ARHGAP5: variants seen among roughly 807,000 people sequenced by gnomAD.
ARHGAP5 encodes the protein rho GTPase-activating protein 5.
Under a neutral mutation model 116.6 loss-of-function variants are expected in ARHGAP5, and 23 were observed. That is an observed-to-expected ratio of 0.20 (90% confidence interval 0.14 to 0.28). The LOEUF (loss-of-function observed/expected upper bound fraction) is 0.28, where lower values mean the gene tolerates loss of function less well. Among genes scored for constraint, ARHGAP5 ranks in the 10% least tolerant of loss-of-function variants. The probability of loss-of-function intolerance (pLI) is 1.00; values close to 1 mark genes in which losing one functional copy is unlikely to be tolerated. For missense variants in ARHGAP5, 1,405 were observed against 1,774.8 expected (o/e 0.79, Z 3.74); for synonymous variants, 574 against 602.0 (o/e 0.95, Z 0.68).
intron 4 of ARHGAP5, among the ~76,000 whole-genome samples, chr14:32,148,885 T>C (rs1184262847): frequency 1.3e-5 from 2 of 152,158 alleles, no homozygotes; most frequent in East Asian, 3.8e-4. Context: ...TTTAGTATGT[T>C]CCATTCTTGA....
intron 6 of ARHGAP5, among the ~76,000 whole-genome samples, chr14:32,153,243 C>T (rs1881727495): frequency 1.3e-5 from 2 of 149,180 alleles, no homozygotes; most frequent in Admixed American, 6.6e-5. Context: ...CCCATCTCCA[C>T]TAAAAATACA....
intron 3 of ARHGAP5, 59 bp from the exon 4 acceptor site, chr14:32,146,204 C>G: frequency 7.7e-7 from 1 of 1,294,642 alleles, no homozygotes. Flanking sequence ...AGCCACTGTG[C>G]CCAGCCGTGT....
chr14:32,116,951 T>A (rs1879635942), intron 2 of ARHGAP5, among the ~76,000 whole-genome samples, 189 bp from the exon 3 acceptor site: 1 of 152,214 alleles, frequency 6.6e-6, no homozygotes, highest in African/African-American at 2.4e-5. Context: ...TTTTTTTTTC[T>A]GTTCACTTAT....
rs988509208 is a variant in ARHGAP5, at chr14:32,143,294, G to A, written c.3866-2969G>A. Among the ~76,000 whole-genome samples the A allele has an allele frequency of 2.6e-5, 4 of 152,134 alleles. No individual in the cohort carries two copies. In the South Asian group the frequency reaches 6.2e-4, roughly 24 times the overall value. ...GACTTGCTCTTTCGCCCAGGCTGGA[G>A]TGCAGTGGTGTGATCTCGGCTCACT... is the stretch of plus-strand genomic sequence containing the variant. On this transcript the variant is annotated intron_variant, in intron 3 of 6. Transcript: ENST00000345122.
At chr14:32,138,078 T>C (rs983015322) in intron 3 of ARHGAP5, among the ~76,000 whole-genome samples, 2 of 152,228 alleles carry the variant, frequency 1.3e-5, no homozygotes, top group Non-Finnish European at 2.9e-5. Context: ...TCATTTTCAT[T>C]GTACAAGTGT....
chr14:32,092,749 C>G lies in ARHGAP5; in HGVS notation c.2080C>G (p.Leu694Val). The G allele has an allele frequency of 1.2e-6, 2 of 1,613,772 alleles. No individual in the cohort carries two copies. The highest frequency in any genetic ancestry group is 1.7e-6 in the Non-Finnish European group (2 of 1,179,854). The change falls in exon 2 of 7, where the codon CTT (leucine) becomes GTT (valine). Residue 694 changes from leucine to valine, a missense_variant. Transcript: ENST00000345122. The surrounding 1 kb of genome is among the most constrained non-coding windows in gnomAD (Gnocchi z 4.1). The stretch of plus-strand genomic sequence containing the variant: ...CAGAAAAGATAAATACATGGCTAAT[C>G]TTCCATTTACATTAATTCTGGCTAA... The part of the protein sequence containing the change: ...QIRKDKYMAN[L>V]PFTLILANQR...
intron 3 of ARHGAP5, among the ~76,000 whole-genome samples, chr14:32,143,781 C>T (rs987004818): frequency 3.9e-5 from 6 of 152,176 alleles, no homozygotes; most frequent in African/African-American, 7.2e-5. Context: ...GCCTTATAAT[C>T]TCCATTTAAC....
At chr14:32,101,419 C>G (rs1228955542) in intron 2 of ARHGAP5, among the ~76,000 whole-genome samples, 1 of 152,166 alleles carries the variant, frequency 6.6e-6, no homozygotes, top group Non-Finnish European at 1.5e-5. Flanking sequence ...GCATTGACTT[C>G]TGATTTCTAG....
chr14:32,123,957 G>A (rs760450788), intron 3 of ARHGAP5, among the ~76,000 whole-genome samples: 2 of 152,152 alleles, frequency 1.3e-5, no homozygotes, highest in Non-Finnish European at 2.9e-5. Flanking sequence ...GCCTCAAGAA[G>A]TTTTCTCTCA....
Position 32,150,040 on chromosome 14 carries a change from A to G in ARHGAP5, c.4075+7A>G, listed in dbSNP as rs760178267. ...GAACTATTGGAAGCAGCAAGTAAGT[A>G]TAAACCTCCTTTTTATGAGAGGGAT... On this transcript the variant is annotated splice_region_variant and intron_variant, in intron 5 of 6. Coordinates refer to ENST00000345122, the MANE Select transcript of ARHGAP5 (RefSeq NM_001030055.2). The G allele has an allele frequency of 1.7e-5, 26 of 1,569,664 alleles. No homozygotes were observed. The highest frequency in any genetic ancestry group is 4.0e-5 in the Admixed American group (2 of 50,096).
Position 32,090,966 on chromosome 14 carries a change from T to G in ARHGAP5, c.297T>G (p.Ile99Met). 6.2e-7 allele frequency: 1 copy of G among 1,613,656 alleles called. No homozygotes were observed. The highest frequency in any genetic ancestry group is 8.5e-7 in the Non-Finnish European group (1 of 1,179,668). The change falls in exon 2 of 7, where the codon ATT (isoleucine) becomes ATG (methionine). Residue 99 changes from isoleucine (I) to methionine (M), a missense_variant. By Grantham distance (10) the Ile-to-Met change is conservative (BLOSUM62 1). Around this residue, in one of 6 missense-constraint regions of ARHGAP5, gnomAD observed 190 missense variants for 314.9 expected, o/e 0.60. Coordinates refer to ENST00000345122, the MANE Select transcript of ARHGAP5 (RefSeq NM_001030055.2). ...ATGTCATTGAACAAACAGAGTTCAT[T>G]GATGACCAGACTTTCTTGCCTCATC... is the stretch of plus-strand genomic sequence containing the variant. ...KIHVIEQTEFIDDQTFLPHRS... is the reference protein window; with the variant it reads ...KIHVIEQTEFMDDQTFLPHRS...
intron 5 of ARHGAP5, among the ~76,000 whole-genome samples, chr14:32,152,048 C>T (rs1054979968): frequency 5.3e-5 from 8 of 152,270 alleles, no homozygotes; most frequent in African/African-American, 1.2e-4. Flanking sequence ...ATAAGGGAAA[C>T]CGGGCTCCAC....
rs772162945 is a variant in ARHGAP5, at chr14:32,092,665, G to A, written c.1996G>A (p.Glu666Lys). 6.2e-7 allele frequency: 1 copy of A among 1,613,846 alleles called. No individual in the cohort carries two copies. Among genetic ancestry groups the A allele is most frequent in the African/African-American group, 1.3e-5 (1 of 74,902 alleles). Residue 666 changes from glutamate (E) to lysine (K), a missense_variant, in exon 2 of 7, where the codon GAG (glutamate) becomes AAG (lysine). Around this residue, in one of 6 missense-constraint regions of ARHGAP5, gnomAD observed 944 missense variants for 1,095.3 expected, o/e 0.86. Transcript: ENST00000345122. This position sits in a 1 kb window ranked among gnomAD's most constrained non-coding sequence, Gnocchi z 4.1. ...HGCFCVFNSI[E>K]SLSFIGEFIG... ...GTGCTTCTGTGTATTTAATTCCATT[G>A]AGTCATTGAGTTTTATTGGGGAATT...
Position 32,158,257 on chromosome 14 carries a change from A to G in ARHGAP5, c.*3309A>G, listed in dbSNP as rs1327811464. On this transcript the variant is annotated 3_prime_UTR_variant, in exon 7 of 7. Transcript: ENST00000345122. ...ATATGATGGAAATCTTATTAAGGAG[A>G]TGTATTATTGAATTTTCACTGTACC... 2 of 151,758 alleles carry G rather than the reference A, an allele frequency of 1.3e-5. No homozygotes were observed. The highest frequency in any genetic ancestry group is 3.8e-4 in the East Asian group (2 of 5,196). 9.4% of individuals were successfully genotyped at this position (151,758 alleles called of 1,614,324 possible). A position where few individuals can be genotyped will look rare whatever the true frequency, so the allele number is the denominator to read the frequency against.
rs1881993460 is a variant in ARHGAP5 at position 32,158,528 on chromosome 14, A to G, written c.*3580A>G. On this transcript the variant is annotated 3_prime_UTR_variant, in exon 7 of 7. Coordinates refer to ENST00000345122, the MANE Select transcript of ARHGAP5 (RefSeq NM_001030055.2). Reference sequence around the variant, plus strand: ...CTTCATGGTTTGTGACTATTAGGCCAAATTTTGTGGTATATGTTGTCAGTC... The same window carrying G: ...CTTCATGGTTTGTGACTATTAGGCCGAATTTTGTGGTATATGTTGTCAGTC... 1 of 152,004 alleles carries G rather than the reference A, an allele frequency of 6.6e-6. No individual in the cohort carries two copies. The highest frequency in any genetic ancestry group is 2.4e-5 in the African/African-American group (1 of 41,446). The allele number at this position is 152,004 out of a possible 1,614,324, so 9.4% of individuals were successfully genotyped here.
Position 32,091,106 on chromosome 14 carries a change from A to G in ARHGAP5, c.437A>G (p.Gln146Arg). 1 of 1,613,728 alleles carries G rather than the reference A, an allele frequency of 6.2e-7. No individual in the cohort carries two copies. The highest frequency in any genetic ancestry group is 8.5e-7 in the Non-Finnish European group (1 of 1,179,660). The change falls in exon 2 of 7, where the codon CAG becomes CGG. Residue 146 changes from glutamine (Q) to arginine (R), a missense_variant. Gln to Arg is a conservative substitution (Grantham distance 43). This residue lies in a region of ARHGAP5 where 190 missense variants were observed against 314.9 expected (regional missense o/e 0.60). Transcript: ENST00000345122. ...DQLGLEQDFE[Q>R]KQMPEGKLNV... ...CTAGGCTTAGAACAAGACTTTGAAC[A>G]GAAGCAAATGCCTGAAGGGAAGCTC...
At chr14:32,146,129 C>A (rs1224102143) in intron 3 of ARHGAP5, 134 bp from the exon 4 acceptor site, 3 of 578,012 alleles carry the variant, frequency 5.2e-6, no homozygotes, top group Non-Finnish European at 9.1e-6. Flanking sequence ...CCAGGCTGGG[C>A]TCAAACTCCT....
intron 3 of ARHGAP5, among the ~76,000 whole-genome samples, chr14:32,141,531 A>C (rs1484823073): frequency 2.6e-5 from 4 of 152,220 alleles, no homozygotes; most frequent in African/African-American, 9.6e-5. Flanking sequence ...AGGAGTTATA[A>C]ATCAAAAATG....
intron 3 of ARHGAP5, among the ~76,000 whole-genome samples, chr14:32,140,431 A>G (rs1881065240): frequency 2.0e-5 from 3 of 151,778 alleles, no homozygotes; most frequent in Admixed American, 2.0e-4. Context: ...AATACAAAAA[A>G]AAAAAATTAG....
Sources: allele counts gnomAD v4.1 joint callset (sites outside exome capture counted in the v4.1 genomes callset), GRCh38; gene constraint gnomAD v4.1.1; regional missense constraint gnomAD v4.1.1; non-coding constraint Gnocchi (gnomAD v3.1); transcripts MANE v1.5; gene names NCBI Gene and HGNC (gene_info 2026-07-23, HGNC 2026-07-21).